FER1L5: variants seen among roughly 807,000 people sequenced by gnomAD.
FER1L5 encodes the protein fer-1-like protein 5.
In FER1L5, 187 loss-of-function variants were observed where a neutral mutation model predicts 279.9. That is an observed-to-expected ratio of 0.67 (90% CI 0.59 to 0.75). The LOEUF (loss-of-function observed/expected upper bound fraction) is 0.75. Ranked by LOEUF, FER1L5 falls within the 30% of genes least tolerant of loss-of-function variation. The pLI, the probability that FER1L5 is intolerant of heterozygous loss-of-function variation, is 0.00. For synonymous variants in FER1L5, 921 were observed against 989.7 expected (o/e 0.93, Z 1.30); for missense variants, 2,091 against 2,594.4 (o/e 0.81, Z 4.21).
chr2:96,692,653 G>C (rs1328162867), intron 31 of FER1L5, among the ~76,000 whole-genome samples: 1 of 152,228 alleles, frequency 6.6e-6, no homozygotes, highest in Non-Finnish European at 1.5e-5. Flanking sequence ...TGTTTGGACA[G>C]AGGCGGAGGG....
intron 9 of FER1L5, 71 bp from the exon 10 acceptor site, chr2:96,660,270 T>A: frequency 6.6e-7 from 1 of 1,513,612 alleles, no homozygotes; most frequent in Non-Finnish European, 9.0e-7. Context: ...AGCAGTTGGG[T>A]CAGGTTAGTT....
intron 21 of FER1L5, among the ~76,000 whole-genome samples, chr2:96,685,723 T>C (rs992115389): frequency 1.3e-5 from 2 of 151,960 alleles, no homozygotes; most frequent in African/African-American, 4.8e-5. Context: ...CTGCAGGCCC[T>C]GGGAGGAAGG....
intron 19 of FER1L5, among the ~76,000 whole-genome samples, chr2:96,673,572 G>A (rs781565529): frequency 4.0e-5 from 6 of 151,666 alleles, no homozygotes; most frequent in African/African-American, 7.3e-5. Context: ...ACCAATTCAC[G>A]CATCCATCTA....
In FER1L5 at chr2:96,699,078, A is replaced by G; in HGVS notation, c.4552A>G (p.Thr1518Ala). ...TTATGTGATCCTGAAACTGGGCAAGACAGAGCTTGGCAACCGGGACATGTA... is the reference window on the plus strand; with the variant it reads ...TTATGTGATCCTGAAACTGGGCAAGGCAGAGCTTGGCAACCGGGACATGTA... ...DPYVILKLGK[T>A]ELGNRDMYQP... is the part of the protein sequence containing the mutation. The change falls in exon 42 of 53, where the codon ACA (threonine) becomes GCA (alanine). Residue 1518 changes from threonine to alanine, a missense_variant. Transcript: ENST00000624922. The G allele has an allele frequency of 6.2e-7, 1 of 1,612,054 alleles. No homozygotes were observed. The highest frequency in any genetic ancestry group is 1.1e-5 in the South Asian group (1 of 90,554).
chr2:96,649,915 A>G (rs991295068), intron 5 of FER1L5, among the ~76,000 whole-genome samples: 4 of 152,238 alleles, frequency 2.6e-5, no homozygotes, highest in Admixed American at 2.6e-4. Flanking sequence ...GATATAAGAC[A>G]TAAGTCTCCA....
chr2:96,684,396 A>G lies in FER1L5; in HGVS notation c.1739A>G (p.Asp580Gly). The G allele has an allele frequency of 6.4e-7, 1 of 1,551,590 alleles. No homozygotes were observed. Among genetic ancestry groups the G allele is most frequent in the South Asian group, 1.2e-5 (1 of 84,054 alleles). ...PVVAVTSNWE[D>G]VSFRMNCLNL... is the part of the protein sequence containing the mutation. ...GTGGCCGTGACCTCCAACTGGGAGG[A>G]CGTCAGCTTCCGCATGAACTGCCTC... Residue 580 changes from aspartate (D) to glycine (G), a missense_variant, in exon 20 of 53, where the codon GAC (aspartate) becomes GGC (glycine). By Grantham distance (94) the Asp-to-Gly change is moderately conservative. Transcript: ENST00000624922.
At position 96,698,638 on chromosome 2, in the gene FER1L5, C is replaced by G. The variant is rs1458889478; in HGVS notation, c.4357-33C>G. ...GCTTTACAGAGCTGGCCAGCACTGC[C>G]AGGCTGGGCCCCCAACACCCTCCCC... On this transcript the variant is annotated intron_variant, in intron 40 of 52. Transcript: ENST00000624922. The surrounding 1 kb of genome is among the most constrained non-coding windows in gnomAD (Gnocchi z 5.5). The G allele has an allele frequency of 2.6e-6, 4 of 1,553,712 alleles. No homozygotes were observed. In the South Asian group the frequency reaches 4.7e-5, roughly 18 times the overall value.
Position 96,668,995 on chromosome 2 carries a change from T to C in FER1L5, c.1267+27T>C. 7 of 1,551,634 alleles carry C rather than the reference T, an allele frequency of 4.5e-6. No homozygotes were observed. In the South Asian group the frequency reaches 5.9e-5, roughly 13 times the overall value. On this transcript the variant is annotated intron_variant, in intron 16 of 52. Transcript: ENST00000624922. The stretch of plus-strand genomic sequence containing the variant: ...CAAGCAAAGCCTCGAGCCCACTTCC[T>C]ACACCCCTCGTCCTGCGCCCGACCC...
rs1558919370 is a variant in FER1L5, at chr2:96,694,274, G to A, written c.3637-86G>A. On this transcript the variant is annotated intron_variant, in intron 33 of 52. Coordinates refer to ENST00000624922, the MANE Select transcript of FER1L5 (RefSeq NM_001293083.2). This position sits in a 1 kb window ranked among gnomAD's most constrained non-coding sequence, Gnocchi z 4.6. ...CCCTACCCATGGGGCTCTGGGCTCG[G>A]TGAGGCCTCTGAGGGACCTGCTTGA... The A allele has an allele frequency of 7.3e-7, 1 of 1,377,350 alleles. No homozygotes were observed. The highest frequency in any genetic ancestry group is 1.5e-5 in the African/African-American group (1 of 68,516). 85.3% of individuals were successfully genotyped at this position (1,377,350 alleles called of 1,614,324 possible).
intron 17 of FER1L5, 103 bp from the exon 18 acceptor site, chr2:96,670,016 G>A: frequency 1.4e-6 from 2 of 1,459,028 alleles, no homozygotes; most frequent in African/African-American, 1.4e-5. Flanking sequence ...CCCCGGGCAG[G>A]CAGTGACTGG....
rs377545234 is a variant in FER1L5, at chr2:96,704,236, G to A, written c.5823G>A (p.Thr1941=). Reference sequence around the variant, plus strand: ...ACAGACGCACCAACACCTCTTTCACGTGGCTGCGGTCACCAGTTCAAAACT... The same window carrying A: ...ACAGACGCACCAACACCTCTTTCACATGGCTGCGGTCACCAGTTCAAAACT... The part of the protein sequence containing the change: ...HPPLRTNTSF[T]WLRSPVQNFC... The change falls in exon 52 of 53, where the codon ACG becomes ACA. Residue 1941 remains threonine, a synonymous_variant. Transcript: ENST00000624922. 1.3e-5 allele frequency: 21 copies of A among 1,613,940 alleles called. No individual in the cohort carries two copies. In the African/African-American group the frequency reaches 2.0e-4, roughly 15 times the overall value.
chr2:96,691,768 G>A lies in FER1L5; in HGVS notation c.3076-57G>A. On this transcript the variant is annotated intron_variant, in intron 29 of 52. Transcript: ENST00000624922. This position sits in a 1 kb window ranked among gnomAD's most constrained non-coding sequence, Gnocchi z 6.0. ...GAGGGAGGAGGGTGACTGGGCCTGG[G>A]CTAGAGGAAACAGGAGCAGCACCCA... 3.2e-6 allele frequency: 5 copies of A among 1,551,630 alleles called. No individual in the cohort carries two copies. Among genetic ancestry groups the A allele is most frequent in the Non-Finnish European group, 2.6e-6 (3 of 1,146,982 alleles).
chr2:96,681,702 G>T (rs1484817768), intron 19 of FER1L5, among the ~76,000 whole-genome samples: 1 of 152,014 alleles, frequency 6.6e-6, no homozygotes, highest in South Asian at 2.1e-4. Context: ...ACTGACTGCT[G>T]TGTATTATTC....
Position 96,702,230 on chromosome 2 carries a change from C to G in FER1L5, c.5160-76C>G, listed in dbSNP as rs1282889203. On this transcript the variant is annotated intron_variant, in intron 46 of 52. Transcript: ENST00000624922. The surrounding 1 kb of genome is among the most constrained non-coding windows in gnomAD (Gnocchi z 4.0). ...AGCAAAAACACACAGGGCAGCCTCC[C>G]AGGCTTCTCTGCCCTCACTGAGGCT... 2.8e-5 allele frequency: 44 copies of G among 1,574,930 alleles called. 1 individual carries two copies. Among genetic ancestry groups the G allele is most frequent in the Non-Finnish European group, 3.8e-5 (44 of 1,160,702 alleles).
chr2:96,661,321 C>T lies in FER1L5; in HGVS notation c.779-4C>T, dbSNP rs2075946410. ...GATCTCCCATGGCCTTTCTGCCTCT[C>T]TAGGTCACACACTCCTAAGGAAATG... On this transcript the variant is annotated splice_polypyrimidine_tract_variant and splice_region_variant and intron_variant, in intron 10 of 52. Transcript: ENST00000624922. 1 of 1,534,414 alleles carries T rather than the reference C, an allele frequency of 6.5e-7. No homozygotes were observed. Among genetic ancestry groups the T allele is most frequent in the Non-Finnish European group, 8.8e-7 (1 of 1,138,600 alleles).
In FER1L5 at chr2:96,686,190, G is replaced by A. The variant is rs1263378254; in HGVS notation, c.2074-5G>A. ...GCAGGGCCTGACATTCTCCCACCTC[G>A]GCAGCCCCAGATGGGCCTCCCTGAC... On this transcript the variant is annotated splice_region_variant and splice_polypyrimidine_tract_variant and intron_variant, in intron 22 of 52. Coordinates refer to ENST00000624922, the MANE Select transcript of FER1L5 (RefSeq NM_001293083.2). The A allele has an allele frequency of 2.1e-5, 32 of 1,549,608 alleles. No homozygotes were observed. Among genetic ancestry groups the A allele is most frequent in the Non-Finnish European group, 2.5e-5 (29 of 1,145,678 alleles).
At chr2:96,643,852 A>G (rs2106398641) in intron 1 of FER1L5, among the ~76,000 whole-genome samples, 1 of 152,042 alleles carries the variant, frequency 6.6e-6, no homozygotes, top group East Asian at 1.9e-4. Flanking sequence ...AAGATCTGGC[A>G]GCTAAAAGGA....
At chr2:96,703,808 CCTTT>C (rs1330900374) in intron 51 of FER1L5, among the ~76,000 whole-genome samples, 176 bp downstream of exon 51, 11 of 124,224 alleles carry the variant, frequency 8.9e-5, no homozygotes, top group Non-Finnish European at 1.7e-4. Context: ...GCAAAAGTTG[CCTTT>C]TTTTTTTTTT....
intron 19 of FER1L5, among the ~76,000 whole-genome samples, chr2:96,679,678 CTG>C (rs1436809938): frequency 1.3e-5 from 2 of 152,228 alleles, no homozygotes; most frequent in Admixed American, 6.5e-5. Flanking sequence ...AATACTTACT[CTG>C]TTCCATTGTT....
Sources: gnomAD v4.1 joint callset for allele counts (sites outside exome capture counted in the v4.1 genomes callset) on GRCh38, gnomAD v4.1.1 for gene constraint, Gnocchi (gnomAD v3.1) non-coding constraint, MANE v1.5 for transcripts, NCBI Gene and HGNC (gene_info 2026-07-23, HGNC 2026-07-21) for gene names.